STAM: variants seen among roughly 807,000 people sequenced by gnomAD.
STAM encodes signal transducing adapter molecule 1.
A neutral mutation model predicts 63.4 loss-of-function variants in STAM; 16 were observed. That is an observed-to-expected ratio of 0.25 (90% CI 0.17 to 0.38). The LOEUF is 0.38. STAM is among the 10% of genes least tolerant of loss of function. The pLI is 1.00. For synonymous variants in STAM, 238 were observed against 223.9 expected, an observed-to-expected ratio of 1.06 and a Z score of -0.56; for missense variants, 636 against 657.1, an observed-to-expected ratio of 0.97 and a Z score of 0.35.
At chr10:17,702,786 G>C (rs1836058274) in intron 9 of STAM, among the ~76,000 whole-genome samples, 1 of 152,086 alleles carries the variant, frequency 6.6e-6, no homozygotes, top group Non-Finnish European at 1.5e-5. Flanking sequence ...GAGGCGGGCA[G>C]ATCACGAGGT....
chr10:17,678,982 A>G (rs781950033), intron 2 of STAM, among the ~76,000 whole-genome samples: 1 of 152,200 alleles, frequency 6.6e-6, no homozygotes, highest in Non-Finnish European at 1.5e-5. Flanking sequence ...GCTGAATACT[A>G]TTCCATTGTA....
rs781867826 is a variant in STAM at position 17,696,313 on chromosome 10, C to T, written c.729-462C>T. Reference sequence around the variant, plus strand: ...TTTACACCTAGGAGTGTACTCTTTGCGAATGTTTTGCACTGTGAACAGTGT... The same window carrying T: ...TTTACACCTAGGAGTGTACTCTTTGTGAATGTTTTGCACTGTGAACAGTGT... On this transcript the variant is annotated intron_variant, in intron 7 of 13. Transcript: ENST00000377524. 4.0e-5 allele frequency among the ~76,000 whole-genome samples: 6 copies of T among 151,756 alleles called. No homozygotes were observed. In the East Asian group the frequency reaches 5.8e-4, roughly 15 times the overall value.
At chr10:17,694,198 C>A (rs1426983492) in intron 6 of STAM, among the ~76,000 whole-genome samples, 1 of 151,874 alleles carries the variant, frequency 6.6e-6, no homozygotes, top group Non-Finnish European at 1.5e-5. Context: ...TGGTTTTTGA[C>A]CTTAAATTTG....
At chr10:17,654,623 A>G (rs1307822015) in intron 1 of STAM, among the ~76,000 whole-genome samples, 2 of 152,204 alleles carry the variant, frequency 1.3e-5, no homozygotes, top group African/African-American at 2.4e-5. Flanking sequence ...ACTTAGACTG[A>G]GAGCATGGTT....
At chr10:17,670,909 T>C (rs910709922) in intron 2 of STAM, among the ~76,000 whole-genome samples, 24 of 152,172 alleles carry the variant, frequency 1.6e-4, no homozygotes, top group African/African-American at 5.6e-4. Context: ...CAAATTTGCA[T>C]TTTGAATATG....
intron 4 of STAM, among the ~76,000 whole-genome samples, chr10:17,686,426 G>T (rs1226991253): frequency 6.6e-6 from 1 of 150,826 alleles, no homozygotes; most frequent in African/African-American, 2.4e-5. Context: ...ACCCAGGCTG[G>T]AGTACAGTGG....
intron 7 of STAM, 139 bp downstream of exon 7, chr10:17,695,380 T>G (rs1835714641): frequency 1.4e-6 from 1 of 721,196 alleles, no homozygotes; most frequent in Non-Finnish European, 2.1e-6. Flanking sequence ...GTTGGCTGAT[T>G]TGCTTGTGTT....
intron 13 of STAM, among the ~76,000 whole-genome samples, chr10:17,712,261 C>T (rs1289841452): frequency 1.3e-5 from 2 of 152,148 alleles, no homozygotes; most frequent in Non-Finnish European, 2.9e-5. Flanking sequence ...GACCTGGAGA[C>T]AAAACGGAAG....
chr10:17,697,027 C>T (rs1554827648), intron 8 of STAM, among the ~76,000 whole-genome samples, 158 bp downstream of exon 8: 1 of 152,202 alleles, frequency 6.6e-6, no homozygotes, highest in Non-Finnish European at 1.5e-5. Flanking sequence ...TCAGGTGATT[C>T]TCCTGCCTCA....
chr10:17,656,042 C>T (rs1358280700), intron 1 of STAM, among the ~76,000 whole-genome samples: 2 of 151,866 alleles, frequency 1.3e-5, no homozygotes, highest in Non-Finnish European at 2.9e-5. Context: ...CGCCTGCAAT[C>T]CCAGCACTTT....
At chr10:17,681,429 T>G (rs1835082298) in intron 2 of STAM, among the ~76,000 whole-genome samples, 1 of 152,104 alleles carries the variant, frequency 6.6e-6, no homozygotes, top group Non-Finnish European at 1.5e-5. Flanking sequence ...TATTCTGTCT[T>G]TGGAGAACAT....
chr10:17,695,015 C>T (rs1311950767), intron 6 of STAM, 34 bp from the exon 7 acceptor site: 3 of 1,597,756 alleles, frequency 1.9e-6, no homozygotes, highest in African/African-American at 2.7e-5. Context: ...GATATAATAA[C>T]ATTTTGGGTC....
At chr10:17,666,475 A>T (rs559870735) in intron 2 of STAM, among the ~76,000 whole-genome samples, 35 of 147,988 alleles carry the variant, frequency 2.4e-4, no homozygotes, top group African/African-American at 8.8e-4. Flanking sequence ...GCTCACTGCA[A>T]GCTCCGCCTG....
At chr10:17,696,487 C>T (rs1835763942) in intron 7 of STAM, 1 of 294,864 alleles carries the variant, frequency 3.4e-6, no homozygotes, top group African/African-American at 2.2e-5. Flanking sequence ...TGTGAACCAT[C>T]TGAAGCTGAC....
intron 1 of STAM, among the ~76,000 whole-genome samples, chr10:17,645,961 C>T (rs1440212133): frequency 2.0e-5 from 3 of 152,238 alleles, no homozygotes; most frequent in Non-Finnish European, 4.4e-5. Context: ...TTATATTCTA[C>T]TGACTTTGTG....
intron 5 of STAM, among the ~76,000 whole-genome samples, chr10:17,690,926 G>A (rs537258319): frequency 6.6e-6 from 1 of 152,166 alleles, no homozygotes; most frequent in East Asian, 1.9e-4. Flanking sequence ...AATAAAAAGT[G>A]CAGTTCAGAA....
intron 2 of STAM, among the ~76,000 whole-genome samples, chr10:17,671,673 T>G (rs1481247189): frequency 6.6e-6 from 1 of 152,212 alleles, no homozygotes; most frequent in Non-Finnish European, 1.5e-5. Flanking sequence ...TTGTACGTTT[T>G]TAGTCTGACA....
At chr10:17,669,705 T>C (rs2131600259) in intron 2 of STAM, among the ~76,000 whole-genome samples, 1 of 150,814 alleles carries the variant, frequency 6.6e-6, no homozygotes, top group Non-Finnish European at 1.5e-5. Flanking sequence ...TCTTTCTTTT[T>C]TTTTTTTTCT....
chr10:17,701,414 G>T (rs146140346), intron 9 of STAM, among the ~76,000 whole-genome samples: 1 of 152,262 alleles, frequency 6.6e-6, no homozygotes, highest in African/African-American at 2.4e-5. Context: ...GTGTCACATT[G>T]TATAGATCAG....
Sources: allele counts gnomAD v4.1 joint callset (sites outside exome capture counted in the v4.1 genomes callset), GRCh38; gene constraint gnomAD v4.1.1; transcripts MANE v1.5; gene names NCBI Gene and HGNC (gene_info 2026-07-23, HGNC 2026-07-21).